Variants in UNC13C observed in about 807,000 individuals in gnomAD.
The protein encoded by UNC13C is unc-13 homolog C.
In UNC13C, 174 loss-of-function variants were observed where a neutral mutation model predicts 245.4. That is an observed-to-expected ratio of 0.71 (90% CI 0.63 to 0.80). The LOEUF is 0.80. UNC13C is among the 30% of genes least tolerant of loss of function. UNC13C has a pLI of 0.00. For missense variants in UNC13C, 2,829 were observed against 2,602.9 expected (o/e 1.09, Z -1.89); for synonymous variants, 992 against 895.1 (o/e 1.11, Z -1.93).
the UNC13C span, among the ~76,000 whole-genome samples, chr15:53,840,244 G>A: frequency 6.6e-6 from 1 of 152,146 alleles, no homozygotes; most frequent in Non-Finnish European, 1.5e-5. Flanking sequence ...TTTTAGCTAT[G>A]AGAAAATGTC....
chr15:53,868,805 T>A, the UNC13C span, among the ~76,000 whole-genome samples: 4 of 152,230 alleles, frequency 2.6e-5, no homozygotes, highest in East Asian at 3.9e-4. Context: ...TCTATAGAGG[T>A]CTCACTAGGG....
intron 30 of UNC13C, among the ~76,000 whole-genome samples, chr15:54,600,841 C>G (rs1014538546): frequency 1.3e-5 from 2 of 152,044 alleles, no homozygotes; most frequent in East Asian, 3.9e-4. Context: ...GATGATATAG[C>G]ATTGGATACG....
intron 30 of UNC13C, among the ~76,000 whole-genome samples, chr15:54,580,407 T>A (rs943633591): frequency 1.3e-5 from 2 of 152,230 alleles, no homozygotes; most frequent in Non-Finnish European, 2.9e-5. Flanking sequence ...GCCAACCTTG[T>A]ACAAACCTCT....
chr15:53,856,173 T>C, the UNC13C span, among the ~76,000 whole-genome samples: 1 of 152,108 alleles, frequency 6.6e-6, no homozygotes, highest in Non-Finnish European at 1.5e-5. Context: ...ATTTTATTCT[T>C]CTCTTTTTTC....
chr15:54,581,973 C>G (rs1898222173), intron 30 of UNC13C, among the ~76,000 whole-genome samples: 1 of 151,200 alleles, frequency 6.6e-6, no homozygotes, highest in Non-Finnish European at 1.5e-5. Flanking sequence ...GAGAGGAGGT[C>G]ATACAGGTTA....
chr15:54,392,001 A>G (rs2039968570), intron 17 of UNC13C, among the ~76,000 whole-genome samples: 2 of 152,080 alleles, frequency 1.3e-5, no homozygotes, highest in African/African-American at 4.8e-5. Context: ...GCCAAATACA[A>G]TCTAATACCC....
the UNC13C span, among the ~76,000 whole-genome samples, chr15:53,920,476 C>T: frequency 1.3e-5 from 2 of 152,070 alleles, no homozygotes; most frequent in South Asian, 2.1e-4. Context: ...ACTGCTTGGA[C>T]CGGGAGGCAG....
the UNC13C span, among the ~76,000 whole-genome samples, chr15:53,859,862 C>T: frequency 6.6e-6 from 1 of 152,106 alleles, no homozygotes; most frequent in Admixed American, 6.6e-5. Context: ...CTTGGGGGAT[C>T]TGTTTTCTCT....
chr15:54,061,955 C>G (rs1205571270), intron 2 of UNC13C, among the ~76,000 whole-genome samples: 1 of 152,138 alleles, frequency 6.6e-6, no homozygotes, highest in Non-Finnish European at 1.5e-5. Flanking sequence ...CAATCATATA[C>G]CAAGAACTTA....
At chr15:54,337,233 C>T (rs148755301) in intron 16 of UNC13C, among the ~76,000 whole-genome samples, 4 of 152,072 alleles carry the variant, frequency 2.6e-5, no homozygotes, top group Non-Finnish European at 4.4e-5. Flanking sequence ...AAGATTTAAC[C>T]GGATTTATTT....
At chr15:53,886,445 G>A in the UNC13C span, among the ~76,000 whole-genome samples, 1 of 152,096 alleles carries the variant, frequency 6.6e-6, no homozygotes, top group Non-Finnish European at 1.5e-5. Flanking sequence ...AACAAATGAA[G>A]TAAAGTAGTA....
chr15:54,455,249 C>T (rs1373894744), intron 19 of UNC13C, among the ~76,000 whole-genome samples: 2 of 77,492 alleles, frequency 2.6e-5, no homozygotes, highest in African/African-American at 4.4e-5. Flanking sequence ...GTTTTTTAAT[C>T]CACTCATTGG....
intron 7 of UNC13C, among the ~76,000 whole-genome samples, chr15:54,244,560 G>A (rs1048386598): frequency 1.5e-4 from 23 of 152,130 alleles, no homozygotes; most frequent in African/African-American, 5.1e-4. Flanking sequence ...ATTACTTTGG[G>A]CAGTATGGCC....
At chr15:54,078,085 A>C (rs1353976468) in intron 2 of UNC13C, among the ~76,000 whole-genome samples, 3 of 152,092 alleles carry the variant, frequency 2.0e-5, no homozygotes, top group Non-Finnish European at 4.4e-5. Context: ...TTTTTGTTTC[A>C]GAATTATTTC....
At chr15:54,052,034 A>G (rs1266299429) in intron 2 of UNC13C, among the ~76,000 whole-genome samples, 1 of 120,926 alleles carries the variant, frequency 8.3e-6, no homozygotes, top group Non-Finnish European at 1.7e-5. Flanking sequence ...TTCTTGCGAT[A>G]GTTTACTGAG....
In UNC13C at chr15:54,625,396, A is replaced by G. The variant is rs9944269; in HGVS notation, c.6360-1432A>G. Among the ~76,000 whole-genome samples, 916 of 152,286 alleles carry G rather than the reference A, an allele frequency of 6.0e-3. 8 individuals carry two copies. The highest frequency in any genetic ancestry group is 0.021 in the African/African-American group (857 of 41,566). ...AACTGGGCGATACCTGGCACTGAAT[A>G]AAATCAAAGATGATCCCTAAGTTTT... On this transcript the variant is annotated intron_variant, in intron 32 of 32. Transcript: ENST00000260323.
At chr15:53,930,782 TG>T in the UNC13C span, among the ~76,000 whole-genome samples, 9 of 152,220 alleles carry the variant, frequency 5.9e-5, no homozygotes, top group African/African-American at 2.2e-4. Context: ...GGTTAAATGC[TG>T]GGGAAACAGC....
chr15:54,361,880 A>G lies in UNC13C; in HGVS notation c.4713+23391A>G, dbSNP rs192422339. ...TAGAGAGTACAAGAACTTAAATGCT[A>G]TACCAGAATTATATTGCTGTCCTGC... On this transcript the variant is annotated intron_variant, in intron 17 of 32. Transcript: ENST00000260323. 1.2e-3 allele frequency among the ~76,000 whole-genome samples: 180 copies of G among 151,890 alleles called. 1 individual carries two copies. Among genetic ancestry groups the G allele is most frequent in the African/African-American group, 4.1e-3 (172 of 41,460 alleles).
At chr15:53,878,153 A>G in the UNC13C span, among the ~76,000 whole-genome samples, 1 of 152,140 alleles carries the variant, frequency 6.6e-6, no homozygotes, top group Non-Finnish European at 1.5e-5. Flanking sequence ...AACTTTGAGC[A>G]GGACATACTT....
Sources: allele counts gnomAD v4.1 joint callset (sites outside exome capture counted in the v4.1 genomes callset), GRCh38; gene constraint gnomAD v4.1.1; transcripts MANE v1.5; gene names NCBI Gene and HGNC (gene_info 2026-07-23, HGNC 2026-07-21).